ANXA10: variants seen among roughly 807,000 people sequenced by gnomAD.
ANXA10 encodes annexin A10, also known as annexin 14.
ANXA10 carries 49 observed loss-of-function variants against 53.5 expected under a neutral mutation model. The observed-to-expected ratio is 0.92, with a 90% CI of 0.73 to 1.16. ANXA10 has a LOEUF of 1.16. ANXA10 is among the 50% of genes most tolerant of loss of function. The pLI is 0.00. For synonymous variants in ANXA10, 131 were observed against 128.9 expected (o/e 1.02, Z -0.11); for missense variants, 393 against 394.4 (o/e 1.00, Z 0.03).
At chr4:168,175,201 T>C (rs1732103448) in intron 6 of ANXA10, among the ~76,000 whole-genome samples, 1 of 152,128 alleles carries the variant, frequency 6.6e-6, no homozygotes, top group African/African-American at 2.4e-5. Flanking sequence ...GATGAAAGTA[T>C]AGCAAGAAGA....
At chr4:168,157,970 A>G (rs1372210998) in intron 3 of ANXA10, among the ~76,000 whole-genome samples, 1 of 152,244 alleles carries the variant, frequency 6.6e-6, no homozygotes, top group Non-Finnish European at 1.5e-5. Flanking sequence ...AATGCATTTG[A>G]TGGATTGTTT....
At chr4:168,103,556 C>T (rs145637173) in intron 1 of ANXA10, among the ~76,000 whole-genome samples, 3,652 of 151,972 alleles carry the variant, frequency 0.024, 57 homozygotes, top group Middle Eastern at 0.038. Flanking sequence ...ATTAGTACTA[C>T]GACTTAATAA....
At position 168,118,965 on chromosome 4, in the gene ANXA10, T is replaced by A. The variant is rs374144549; in HGVS notation, c.19-9119T>A. Among the ~76,000 whole-genome samples, 8 of 152,280 alleles carry A rather than the reference T, an allele frequency of 5.3e-5. No individual in the cohort carries two copies. The East Asian group carries it at 9.6e-4, about 18-fold the overall frequency. On this transcript the variant is annotated intron_variant, in intron 1 of 11. Transcript: ENST00000359299. ...GTGCATTTAATCAAATGCACAAATATTTGATTATTTAATCAAAGATGACAA... is the reference window on the plus strand; with the variant it reads ...GTGCATTTAATCAAATGCACAAATAATTGATTATTTAATCAAAGATGACAA...
At chr4:168,169,488 C>A (rs552504529) in intron 6 of ANXA10, among the ~76,000 whole-genome samples, 1 of 152,176 alleles carries the variant, frequency 6.6e-6, no homozygotes, top group Non-Finnish European at 1.5e-5. Flanking sequence ...ACAGCCAAAT[C>A]CTGCTTCTGT....
chr4:168,128,282 G>C (rs950235196), intron 2 of ANXA10, 117 bp downstream of exon 2: 1 of 380,300 alleles, frequency 2.6e-6, no homozygotes, highest in Non-Finnish European at 4.0e-6. Flanking sequence ...ATACAGATTA[G>C]ACAAAAAAAA....
chr4:168,179,124 A>G (rs1732188797), intron 8 of ANXA10, 93 bp from the exon 9 acceptor site: 1 of 783,672 alleles, frequency 1.3e-6, no homozygotes, highest in Non-Finnish European at 2.1e-6. Context: ...TAATTATTTT[A>G]TGGAAAATAT....
At chr4:168,112,442 G>A (rs951083751) in intron 1 of ANXA10, among the ~76,000 whole-genome samples, 1 of 152,162 alleles carries the variant, frequency 6.6e-6, no homozygotes, top group Non-Finnish European at 1.5e-5. Flanking sequence ...AGAGCACTTG[G>A]CGGACTATTT....
intron 6 of ANXA10, among the ~76,000 whole-genome samples, chr4:168,177,181 A>G (rs28664606): frequency 0.08 from 12,146 of 152,094 alleles, 725 homozygotes; most frequent in African/African-American, 0.17. Context: ...GAATCAATGG[A>G]CCCTGCATTG....
At chr4:168,163,995 A>T (rs1416815033) in intron 4 of ANXA10, among the ~76,000 whole-genome samples, 1 of 152,176 alleles carries the variant, frequency 6.6e-6, no homozygotes, top group Non-Finnish European at 1.5e-5. Context: ...AGTTTCCTTC[A>T]GATAATATTA....
At chr4:168,114,486 C>A (rs1049397267) in intron 1 of ANXA10, among the ~76,000 whole-genome samples, 8 of 152,288 alleles carry the variant, frequency 5.3e-5, no homozygotes, top group African/African-American at 1.7e-4. Context: ...ATGCAGCCAG[C>A]ACATGTATAG....
chr4:168,175,091 A>T (rs998968205), intron 6 of ANXA10, among the ~76,000 whole-genome samples: 2 of 152,188 alleles, frequency 1.3e-5, no homozygotes, highest in Non-Finnish European at 2.9e-5. Flanking sequence ...GACTACTTGG[A>T]CCTTCCAAAA....
chr4:168,182,902 C>T (rs1732283234), intron 10 of ANXA10, among the ~76,000 whole-genome samples: 2 of 146,460 alleles, frequency 1.4e-5, no homozygotes, highest in Non-Finnish European at 3.0e-5. Flanking sequence ...TCCAGCTACT[C>T]GGGAGGCTGA....
At chr4:168,136,526 C>T (rs1731239722) in intron 2 of ANXA10, among the ~76,000 whole-genome samples, 2 of 152,188 alleles carry the variant, frequency 1.3e-5, no homozygotes, top group African/African-American at 4.8e-5. Context: ...TGAAACTTAA[C>T]AGGGCAGTCA....
chr4:168,176,232 T>A (rs1338160879), intron 6 of ANXA10, among the ~76,000 whole-genome samples: 1 of 152,190 alleles, frequency 6.6e-6, no homozygotes, highest in Non-Finnish European at 1.5e-5. Flanking sequence ...ATTGAATATA[T>A]GAGGTGTCAA....
intron 1 of ANXA10, among the ~76,000 whole-genome samples, chr4:168,123,010 G>A (rs1731011762): frequency 6.6e-6 from 1 of 152,074 alleles, no homozygotes; most frequent in Non-Finnish European, 1.5e-5. Flanking sequence ...ATTTCAAATC[G>A]AATACACTAC....
intron 3 of ANXA10, among the ~76,000 whole-genome samples, chr4:168,156,149 T>G (rs1213834797): frequency 6.7e-5 from 1 of 14,828 alleles, no homozygotes; most frequent in Non-Finnish European, 1.0e-4. Flanking sequence ...ATAAAAATAA[T>G]ATATATTATA....
intron 1 of ANXA10, chr4:168,113,260 G>A (rs1055232465): frequency 1.3e-5 from 2 of 152,552 alleles, no homozygotes; most frequent in Non-Finnish European, 2.9e-5. Flanking sequence ...CAAGATCAAG[G>A]TGCTCTCACT....
At chr4:168,097,432 G>T (rs537289867) in intron 1 of ANXA10, among the ~76,000 whole-genome samples, 7 of 151,882 alleles carry the variant, frequency 4.6e-5, no homozygotes, top group African/African-American at 1.4e-4. Context: ...CTCTCCTTTG[G>T]TCATAAGATC....
chr4:168,095,436 G>A (rs767320473), intron 1 of ANXA10, among the ~76,000 whole-genome samples: 4 of 151,656 alleles, frequency 2.6e-5, no homozygotes, highest in Non-Finnish European at 5.9e-5. Flanking sequence ...GTTAATCATA[G>A]CAGTATGAAA....
Sources: allele counts gnomAD v4.1 joint callset (sites outside exome capture counted in the v4.1 genomes callset), GRCh38; gene constraint gnomAD v4.1.1; transcripts MANE v1.5; gene names NCBI Gene and HGNC (gene_info 2026-07-23, HGNC 2026-07-21).